GGT1: variants seen among roughly 807,000 people sequenced by gnomAD.
The protein encoded by GGT1 is glutathione hydrolase 1 proenzyme.
Under a neutral mutation model 56.0 loss-of-function variants are expected in GGT1, and 21 were observed. That is an observed-to-expected ratio of 0.38 (90% CI 0.27 to 0.54). GGT1 has a LOEUF of 0.54. Ranked by LOEUF, GGT1 falls within the 20% of genes least tolerant of loss-of-function variation. GGT1 has a pLI of 0.82. For missense variants in GGT1, 466 were observed against 787.0 expected, an observed-to-expected ratio of 0.59 and a Z score of 4.88; for synonymous variants, 238 against 342.6, an observed-to-expected ratio of 0.69 and a Z score of 3.37.
At chr22:24,589,061 A>C in the GGT1 span, 9 of 1,030,664 alleles carry the variant, frequency 8.7e-6, no homozygotes, top group Non-Finnish European at 9.4e-6. Context: ...GCCGTGGGCT[A>C]GGCGCAGAGT....
rs1601667070 is a variant in GGT1 at position 24,608,037 on chromosome 22, G to T, written c.-359+14G>T. On this transcript the variant is annotated intron_variant, in intron 2 of 15. Coordinates refer to ENST00000400382, the MANE Select transcript of GGT1 (RefSeq NM_001288833.2). ...CCCAGGCCTCAGGTAAGCCCATCAG[G>T]GTCCCAAGGAAGGGGGTCTGGGTTT... is the stretch of plus-strand genomic sequence containing the variant. 1 of 467,838 alleles carries T rather than the reference G, an allele frequency of 2.1e-6. No individual in the cohort carries two copies. Among genetic ancestry groups the T allele is most frequent in the Non-Finnish European group, 4.4e-6 (1 of 226,390 alleles). The allele number at this position is 467,838 out of a possible 1,614,324, so 29.0% of individuals were successfully genotyped here. A position where few individuals can be genotyped will look rare whatever the true frequency, so the allele number is the denominator to read the frequency against.
intron 5 of GGT1, among the ~76,000 whole-genome samples, chr22:24,614,185 C>CAAAA (rs1246696057): frequency 9.2e-5 from 14 of 151,418 alleles, no homozygotes; most frequent in Non-Finnish European, 2.1e-4. Flanking sequence ...CTACAAAATA[C>CAAAA]ACAAACAAAC....
chr22:24,607,699 T>G, intron 1 of GGT1: 1 of 252,806 alleles, frequency 4.0e-6, no homozygotes. Context: ...CCGCCGGGGC[T>G]GCTGGGCACG....
intron 1 of GGT1, among the ~76,000 whole-genome samples, chr22:24,605,524 TATA>T (rs1401979815): frequency 4.8e-5 from 3 of 62,458 alleles, no homozygotes; most frequent in East Asian, 9.3e-4. Context: ...TATTATATAT[TATA>T]TAATATTATA....
At chr22:24,598,160 G>C (rs186710623) in intron 1 of GGT1, 2 of 152,152 alleles carry the variant, frequency 1.3e-5, no homozygotes, top group African/African-American at 4.8e-5. Flanking sequence ...TAAATAGGCC[G>C]GGCACGGTGG....
chr22:24,585,672 G>A, the GGT1 span: 2 of 599,808 alleles, frequency 3.3e-6, no homozygotes, highest in Non-Finnish European at 5.9e-6. Context: ...CACACTGTGG[G>A]TGCTGGGGCC....
intron 7 of GGT1, among the ~76,000 whole-genome samples, chr22:24,618,173 T>C (rs2047187703): frequency 1.3e-5 from 2 of 152,190 alleles, no homozygotes; most frequent in South Asian, 4.1e-4. Context: ...ATTTGGAGTC[T>C]CCGTCACCTT....
In GGT1 at chr22:24,620,330, G is replaced by T. The variant is rs777224246; in HGVS notation, c.385G>T (p.Gly129Trp). The change falls in exon 8 of 16, where the codon GGG (glycine) becomes TGG (tryptophan). Residue 129 changes from glycine (G) to tryptophan (W), a missense_variant and splice_region_variant. Around this residue, in one of 2 missense-constraint regions of GGT1, gnomAD observed 456 missense variants for 716.7 expected, o/e 0.64. Transcript: ENST00000400382. The surrounding 1 kb of genome is among the most constrained non-coding windows in gnomAD (Gnocchi z 5.6). The stretch of plus-strand genomic sequence containing the variant: ...TAACTATGGCTCTCTCTCCCCAGGG[G>T]GGCTGTCGGTGGCGGTGCCTGGGGA... The part of the protein sequence containing the change: ...FNSSEQSQKG[G>W]LSVAVPGEIR... The T allele has an allele frequency of 2.5e-6, 4 of 1,611,702 alleles. No individual in the cohort carries two copies. Among genetic ancestry groups the T allele is most frequent in the Non-Finnish European group, 2.5e-6 (3 of 1,179,758 alleles).
At position 24,605,364 on chromosome 22, in the gene GGT1, TATATA is replaced by T. The variant is rs1295378034; in HGVS notation, c.-429+1838_-429+1842del. Among the ~76,000 whole-genome samples the T allele has an allele frequency of 5.2e-5, 3 of 58,068 alleles. 1 individual carries two copies. In the Admixed American group the frequency reaches 1.1e-3, roughly 21 times the overall value. 38.1% of individuals were successfully genotyped at this position (58,068 alleles called of 152,430 possible). A position where few individuals can be genotyped will look rare whatever the true frequency, so the allele number is the denominator to read the frequency against. On this transcript the variant is annotated intron_variant, in intron 1 of 15. Coordinates refer to ENST00000400382, the MANE Select transcript of GGT1 (RefSeq NM_001288833.2). ...GTATTATATATTATATAATATGTAT[TATATA>T]TTATATAATATTATAATATGTATTA...
chr22:24,597,480 G>A (rs1181127389), intron 1 of GGT1, among the ~76,000 whole-genome samples: 1 of 152,148 alleles, frequency 6.6e-6, no homozygotes, highest in Non-Finnish European at 1.5e-5. Context: ...TTTGAGACCA[G>A]CCTGGCCAAC....
intron 6 of GGT1, 59 bp downstream of exon 6, chr22:24,614,965 C>T: frequency 1.3e-6 from 2 of 1,576,494 alleles, no homozygotes; most frequent in Non-Finnish European, 1.7e-6. Flanking sequence ...GGCCGAGGCA[C>T]AGCTGGGCGG....
intron 7 of GGT1, among the ~76,000 whole-genome samples, chr22:24,618,473 A>C (rs4049869): frequency 0.43 from 65,047 of 151,876 alleles, 15,293 homozygotes; most frequent in African/African-American, 0.64. Flanking sequence ...TGCCTGTAAT[A>C]CCAGCTACTC....
chr22:24,604,603 G>T (rs1304098819), intron 1 of GGT1, among the ~76,000 whole-genome samples: 1 of 152,100 alleles, frequency 6.6e-6, no homozygotes, highest in Non-Finnish European at 1.5e-5. Context: ...ACTACCTTAT[G>T]TGCCCAGGAC....
At chr22:24,607,892 G>T (rs2330835) in intron 1 of GGT1, 62 bp from the exon 2 acceptor site, 31 of 427,946 alleles carry the variant, frequency 7.2e-5, no homozygotes, top group Admixed American at 5.7e-4. Flanking sequence ...AGTGGCGGGG[G>T]GCCCAGCCAG....
the GGT1 span, chr22:24,588,705 C>G: frequency 9.2e-7 from 1 of 1,081,838 alleles, no homozygotes; most frequent in East Asian, 6.5e-5. Flanking sequence ...CAGACCAGGC[C>G]CCTCGAGGGA....
Position 24,622,347 on chromosome 22 carries a change from G to A in GGT1, c.734-760G>A, listed in dbSNP as rs569569532. ...TGAGAGGCCGAGGCGTGTGGATCAC[G>A]GGGTCAGGAGATCGAGACCATCCTG... On this transcript the variant is annotated intron_variant, in intron 9 of 15. Coordinates refer to ENST00000400382, the MANE Select transcript of GGT1 (RefSeq NM_001288833.2). Among the ~76,000 whole-genome samples the A allele has an allele frequency of 2.6e-5, 4 of 152,172 alleles. No homozygotes were observed. The East Asian group carries it at 5.8e-4, about 22-fold the overall frequency.
intron 4 of GGT1, 46 bp from the exon 5 acceptor site, chr22:24,611,029 A>G (rs563406757): frequency 7.8e-4 from 1,213 of 1,555,902 alleles, no homozygotes; most frequent in Middle Eastern, 1.6e-3. Context: ...GGGCCAGGGA[A>G]TGTCTGAGGC....
chr22:24,586,315 G>A, the GGT1 span: 1 of 1,614,002 alleles, frequency 6.2e-7, no homozygotes, highest in Non-Finnish European at 8.5e-7. Context: ...TGCTCAGGTA[G>A]CGTGTGATGT....
intron 9 of GGT1, 120 bp downstream of exon 9, chr22:24,621,190 A>G: frequency 1.4e-6 from 2 of 1,473,982 alleles, no homozygotes; most frequent in Non-Finnish European, 1.8e-6. Context: ...CTGGTGGAGG[A>G]GGGTCAGTGA....
Sources: allele counts gnomAD v4.1 joint callset (sites outside exome capture counted in the v4.1 genomes callset), GRCh38; gene constraint gnomAD v4.1.1; regional missense constraint gnomAD v4.1.1; non-coding constraint Gnocchi (gnomAD v3.1); transcripts MANE v1.5; gene names NCBI Gene and HGNC (gene_info 2026-07-23, HGNC 2026-07-21).